The following PTPRN2 variants were observed in gnomAD, a reference collection of about 807,000 sequenced individuals.
PTPRN2 encodes receptor-type tyrosine-protein phosphatase N2.
Under a neutral mutation model 118.8 loss-of-function variants are expected in PTPRN2, and 74 were observed. The ratio of observed to expected loss-of-function variants is 0.62; its 90% CI spans 0.52 to 0.76. The LOEUF (loss-of-function observed/expected upper bound fraction) is 0.76. Ranked by LOEUF, PTPRN2 falls within the 30% of genes least tolerant of loss-of-function variation. The probability of loss-of-function intolerance (pLI) is 0.00; values close to 1 mark genes in which losing one functional copy is unlikely to be tolerated. For missense variants in PTPRN2, 1,481 were observed against 1,394.4 expected, an observed-to-expected ratio of 1.06 and a Z score of -0.99; for synonymous variants, 641 against 608.0, an observed-to-expected ratio of 1.05 and a Z score of -0.80.
chr7:158,072,350 C>T (rs2128923021), intron 11 of PTPRN2, among the ~76,000 whole-genome samples: 1 of 152,256 alleles, frequency 6.6e-6, no homozygotes, highest in African/African-American at 2.4e-5. Flanking sequence ...TGTGAATCAT[C>T]ATGTAAATTT....
At chr7:158,311,907 G>A (rs185931329) in intron 3 of PTPRN2, among the ~76,000 whole-genome samples, 7 of 130,442 alleles carry the variant, frequency 5.4e-5, no homozygotes, top group Admixed American at 1.5e-4. Flanking sequence ...ACCCACACAC[G>A]CACACACCTG....
At chr7:157,765,853 TCATCCATC>T (rs142646247) in intron 12 of PTPRN2, among the ~76,000 whole-genome samples, 2 of 128,850 alleles carry the variant, frequency 1.6e-5, no homozygotes, top group Non-Finnish European at 3.3e-5. Flanking sequence ...ACTCATCCAC[TCATCCATC>T]CATCCATCCA....
chr7:158,192,796 G>A (rs2150707109), intron 4 of PTPRN2, among the ~76,000 whole-genome samples: 1 of 152,334 alleles, frequency 6.6e-6, no homozygotes, highest in Non-Finnish European at 1.5e-5. Flanking sequence ...GGGAGAAAGG[G>A]AGGAAGCTGC....
chr7:157,867,089 C>T (rs1487767590), intron 12 of PTPRN2, among the ~76,000 whole-genome samples: 18 of 26,108 alleles, frequency 6.9e-4, no homozygotes, highest in South Asian at 2.9e-3. Flanking sequence ...CACCACCCCG[C>T]CCCTGACGCC....
chr7:158,107,129 C>A (rs1476279652), intron 10 of PTPRN2, among the ~76,000 whole-genome samples: 1 of 152,124 alleles, frequency 6.6e-6, no homozygotes, highest in Non-Finnish European at 1.5e-5. Context: ...CCCCACATCG[C>A]TGCTGCCCCC....
intron 10 of PTPRN2, 115 bp from the exon 11 acceptor site, chr7:158,081,492 C>G: frequency 1.0e-6 from 1 of 974,884 alleles, no homozygotes; most frequent in Non-Finnish European, 1.6e-6. Context: ...TCCAAGGCCG[C>G]TGTGGCTCCA....
chr7:157,632,801 A>G lies in PTPRN2; in HGVS notation c.2197-11292T>C, dbSNP rs1208670521. Among the ~76,000 whole-genome samples, 1 of 152,244 alleles carries G rather than the reference A, an allele frequency of 6.6e-6. No homozygotes were observed. Among genetic ancestry groups the G allele is most frequent in the Non-Finnish European group, 1.5e-5 (1 of 68,046 alleles). On this transcript the variant is annotated intron_variant, in intron 14 of 22. Coordinates refer to ENST00000389418, the MANE Select transcript of PTPRN2 (RefSeq NM_002847.5). This position sits in a 1 kb window ranked among gnomAD's most constrained non-coding sequence, Gnocchi z 4.3. ...TTATGTGAACATAGGTAAAATACAG[A>G]GATGAATGCTTATAAGCAATGGAAA... is the stretch of plus-strand genomic sequence containing the variant.
chr7:158,532,295 T>G (rs1825305889), intron 1 of PTPRN2, among the ~76,000 whole-genome samples: 1 of 152,184 alleles, frequency 6.6e-6, no homozygotes, highest in Non-Finnish European at 1.5e-5. Flanking sequence ...TCAAGCCACG[T>G]CACGTCTCTA....
chr7:158,201,723 A>AT (rs1826662318), intron 4 of PTPRN2, among the ~76,000 whole-genome samples: 1 of 152,174 alleles, frequency 6.6e-6, no homozygotes, highest in Non-Finnish European at 1.5e-5. Flanking sequence ...TAACTGGAAC[A>AT]TTTTCTATTG....
rs145361004 is a variant in PTPRN2, at chr7:157,790,432, C to T, written c.1789-107495G>A. On this transcript the variant is annotated intron_variant, in intron 12 of 22. Transcript: ENST00000389418. ...CTGGGGGCACAGGAAGGAGACCGGG[C>T]GCTCCTGCAGGTATTAAATCGTGTT... 1.2e-3 allele frequency among the ~76,000 whole-genome samples: 177 copies of T among 152,098 alleles called. 1 individual carries two copies. In the Middle Eastern group the frequency reaches 0.017, roughly 15 times the overall value.
Position 157,556,929 on chromosome 7 carries a change from C to A in PTPRN2, c.2903-7910G>T, listed in dbSNP as rs192920416. ...ACACATATACACAGGAATGCACATG[C>A]CCACATGACATGCACACCCTACGCT... On this transcript the variant is annotated intron_variant, in intron 21 of 22. Coordinates refer to ENST00000389418, the MANE Select transcript of PTPRN2 (RefSeq NM_002847.5). 1.9e-3 allele frequency among the ~76,000 whole-genome samples: 292 copies of A among 151,434 alleles called. 1 individual carries two copies. Among genetic ancestry groups the A allele is most frequent in the Middle Eastern group, 0.017 (5 of 292 alleles).
chr7:158,443,345 C>T (rs1817493552), intron 2 of PTPRN2, among the ~76,000 whole-genome samples: 1 of 152,236 alleles, frequency 6.6e-6, no homozygotes, highest in Non-Finnish European at 1.5e-5. Flanking sequence ...GCCGGAAATC[C>T]AAGGGTAGGT....
intron 11 of PTPRN2, among the ~76,000 whole-genome samples, chr7:157,984,119 CCTT>C (rs1222383418): frequency 6.6e-6 from 1 of 152,102 alleles, no homozygotes. Flanking sequence ...AACCCAGCAG[CCTT>C]CTTTATTCTG....
At chr7:157,985,771 C>T (rs370083536) in intron 11 of PTPRN2, among the ~76,000 whole-genome samples, 31 of 152,186 alleles carry the variant, frequency 2.0e-4, no homozygotes, top group African/African-American at 4.8e-4. Flanking sequence ...GGGAGGTGCA[C>T]GGAAACCATG....
Position 157,922,850 on chromosome 7 carries a change from C to T in PTPRN2, c.1724-24113G>A, listed in dbSNP as rs527823427. On this transcript the variant is annotated intron_variant, in intron 11 of 22. Transcript: ENST00000389418. Reference sequence around the variant, plus strand: ...TAACACAGCTAATCCTGAGGTCACTCGCTTACAAAAACCTATTTGCTGTGC... The same window carrying T: ...TAACACAGCTAATCCTGAGGTCACTTGCTTACAAAAACCTATTTGCTGTGC... Among the ~76,000 whole-genome samples the T allele has an allele frequency of 4.6e-5, 7 of 152,316 alleles. No individual in the cohort carries two copies. In the South Asian group the frequency reaches 6.2e-4, roughly 14 times the overall value.
intron 9 of PTPRN2, among the ~76,000 whole-genome samples, chr7:158,115,696 C>G (rs146263138): frequency 1.1e-3 from 166 of 152,158 alleles, no homozygotes; most frequent in African/African-American, 3.7e-3. Context: ...TGGATTCCAA[C>G]CCCTGGAATT....
At chr7:158,042,984 A>C (rs1231184294) in intron 11 of PTPRN2, among the ~76,000 whole-genome samples, 1 of 152,238 alleles carries the variant, frequency 6.6e-6, no homozygotes, top group African/African-American at 2.4e-5. Context: ...GGAATCCTTC[A>C]GTGTGCAACG....
intron 11 of PTPRN2, among the ~76,000 whole-genome samples, chr7:157,989,515 G>T (rs994373080): frequency 1.1e-4 from 5 of 43,582 alleles, no homozygotes; most frequent in African/African-American, 4.2e-4. Flanking sequence ...GGAGTCTTGT[G>T]GGGGGCACCA....
intron 3 of PTPRN2, among the ~76,000 whole-genome samples, chr7:158,244,655 GT>G (rs1796086242): frequency 6.8e-6 from 1 of 147,494 alleles, no homozygotes; most frequent in Non-Finnish European, 1.5e-5. Flanking sequence ...ATTGTTTTGT[GT>G]GTCAGTTGTG....
Sources: allele counts gnomAD v4.1 joint callset (sites outside exome capture counted in the v4.1 genomes callset), GRCh38; gene constraint gnomAD v4.1.1; non-coding constraint Gnocchi (gnomAD v3.1); transcripts MANE v1.5; gene names NCBI Gene and HGNC (gene_info 2026-07-23, HGNC 2026-07-21).